Variants in CHD4 observed in about 807,000 individuals in gnomAD.
CHD4 encodes the protein ATP-dependent chromatin remodeler CHD4.
A neutral mutation model predicts 235.5 loss-of-function variants in CHD4; 35 were observed. That is an observed-to-expected ratio of 0.15 (90% CI 0.11 to 0.20). The LOEUF (loss-of-function observed/expected upper bound fraction) is 0.20, where lower values mean the gene tolerates loss of function less well. Ranked by LOEUF, CHD4 falls within the 10% of genes least tolerant of loss-of-function variation. The pLI, the probability that CHD4 is intolerant of heterozygous loss-of-function variation, is 1.00. For missense variants in CHD4, 1,329 were observed against 2,432.3 expected (o/e 0.55, Z 9.54); for synonymous variants, 900 against 850.2 (o/e 1.06, Z -1.02).
chr12:6,593,067 C>A lies in CHD4; in HGVS notation c.2652+24G>T. On this transcript the variant is annotated intron_variant, in intron 17 of 39. Coordinates refer to ENST00000544040, the MANE Select transcript of CHD4 (RefSeq NM_001273.5). This position sits in a 1 kb window ranked among gnomAD's most constrained non-coding sequence, Gnocchi z 4.9. ...TAGAAAAAACCCAAAGTGGGGGCTC[C>A]AACATCCCTCCCTCAGCCCTCACCT... The A allele has an allele frequency of 6.2e-7, 1 of 1,611,596 alleles. No homozygotes were observed. Among genetic ancestry groups the A allele is most frequent in the Non-Finnish European group, 8.5e-7 (1 of 1,179,028 alleles).
chr12:6,600,380 G>A lies in CHD4; in HGVS notation c.1079C>T (p.Thr360Ile). 4 of 1,613,980 alleles carry A rather than the reference G, an allele frequency of 2.5e-6. No homozygotes were observed. Among genetic ancestry groups the A allele is most frequent in the Non-Finnish European group, 3.4e-6 (4 of 1,180,000 alleles). Residue 360 changes from threonine (T) to isoleucine (I), a missense_variant, in exon 9 of 40, where the codon ACT becomes ATT. Physicochemically the swap from Thr to Ile is moderately conservative, Grantham distance 89. This residue lies in a region of CHD4 where 160 missense variants were observed against 196.6 expected (regional missense o/e 0.81). Transcript: ENST00000544040. ...GTCTGTCTCATAACCATCCACAGCA[G>A]TCACCTCCTCCTCGCCTGGGCAAGG... ...KKKKKGEEEV[T>I]AVDGYETDHQ...
In CHD4 at chr12:6,593,193, T is replaced by C. The variant is rs1176165328; in HGVS notation, c.2550A>G (p.Thr850=). 6.2e-7 allele frequency: 1 copy of C among 1,614,182 alleles called. No individual in the cohort carries two copies. The change falls in exon 17 of 40, where the codon ACA becomes ACG. Residue 850 remains threonine (T), a synonymous_variant. Coordinates refer to ENST00000544040, the MANE Select transcript of CHD4 (RefSeq NM_001273.5). The surrounding 1 kb of genome is among the most constrained non-coding windows in gnomAD (Gnocchi z 4.9). ...EASVKFHVLL[T]SYELITIDMA... is the part of the protein sequence containing the mutation. ...TGTCAATGGTGATCAATTCATAGGA[T>C]GTCAGCAGCACATGGAATTTCACAG... is the stretch of plus-strand genomic sequence containing the variant.
At chr12:6,599,658 C>T in intron 10 of CHD4, 115 bp downstream of exon 10, 1 of 1,322,932 alleles carries the variant, frequency 7.6e-7, no homozygotes, top group Middle Eastern at 1.9e-4. Flanking sequence ...AGGAGAATAC[C>T]TTTCTCAGGG....
intron 38 of CHD4, chr12:6,571,376 T>C (rs1335028690): frequency 4.1e-6 from 1 of 245,254 alleles, no homozygotes; most frequent in Non-Finnish European, 7.9e-6. Flanking sequence ...ACCCTCCGCC[T>C]CCTCATAACC....
chr12:6,606,356 GC>G lies in CHD4; in HGVS notation c.17del (p.Gly6AlafsTer19). Reference sequence around the variant, plus strand: ...TGCCCGCCGAGCAGGGGGACGGGGAGCCCAGGCCCGACGCCATCCCCTTCCG... The same window carrying G: ...TGCCCGCCGAGCAGGGGGACGGGGAGCCAGGCCCGACGCCATCCCCTTCCG... MASGL[G>X]SPSPCSAGSE... is the part of the protein sequence containing the mutation. On this transcript the variant is annotated frameshift_variant, in exon 2 of 40. Coordinates refer to ENST00000544040, the MANE Select transcript of CHD4 (RefSeq NM_001273.5). LOFTEE classifies it high-confidence loss of function. The G allele has an allele frequency of 6.4e-7, 1 of 1,570,188 alleles. No homozygotes were observed. The highest frequency in any genetic ancestry group is 8.6e-7 in the Non-Finnish European group (1 of 1,161,666).
chr12:6,591,204 C>T, intron 22 of CHD4: 2 of 261,116 alleles, frequency 7.7e-6, no homozygotes, highest in Non-Finnish European at 1.5e-5. Flanking sequence ...GCTATTTGAG[C>T]TTGAACAAGT....
At chr12:6,602,564 C>A in intron 2 of CHD4, 67 bp from the exon 3 acceptor site, 1 of 1,581,718 alleles carries the variant, frequency 6.3e-7, no homozygotes, top group Non-Finnish European at 8.6e-7. Context: ...GGCCCTAATC[C>A]AGAGGCTTTA....
chr12:6,582,819 A>G, intron 28 of CHD4, 29 bp downstream of exon 28: 1 of 1,613,412 alleles, frequency 6.2e-7, no homozygotes, highest in Admixed American at 1.7e-5. Context: ...TCTGACACTC[A>G]CCCCTCCTTA....
At position 6,581,038 on chromosome 12, in the gene CHD4, C is replaced by A. The variant is rs769651089; in HGVS notation, c.4909+6G>T. 1 of 1,613,162 alleles carries A rather than the reference C, an allele frequency of 6.2e-7. No individual in the cohort carries two copies. Among genetic ancestry groups the A allele is most frequent in the Non-Finnish European group, 8.5e-7 (1 of 1,179,806 alleles). On this transcript the variant is annotated splice_donor_region_variant and intron_variant, in intron 33 of 39. Transcript: ENST00000544040. ...AAACAAACAAAAAAAATGTGGATAC[C>A]TTTACCTTTGGGCTCTGTCTCCATA... is the stretch of plus-strand genomic sequence containing the variant.
chr12:6,600,184 G>A (rs1281381168), intron 9 of CHD4, 33 bp downstream of exon 9: 2 of 1,609,670 alleles, frequency 1.2e-6, no homozygotes, highest in Admixed American at 1.7e-5. Context: ...TCTTCTCATG[G>A]GTTCCAAGGG....
At chr12:6,592,879 A>G in intron 17 of CHD4, 62 bp from the exon 18 acceptor site, 4 of 1,572,112 alleles carry the variant, frequency 2.5e-6, no homozygotes, top group South Asian at 1.1e-5. Flanking sequence ...AAATCTCTAC[A>G]AAATTTCAAG....
chr12:6,588,242 T>C (rs1948333788), intron 23 of CHD4, 56 bp downstream of exon 23: 3 of 1,592,928 alleles, frequency 1.9e-6, no homozygotes, highest in African/African-American at 1.3e-5. Flanking sequence ...TAGAGGCCAC[T>C]ATGCCTTTCT....
intron 22 of CHD4, chr12:6,590,242 TCA>T (rs965470961): frequency 1.3e-5 from 2 of 152,070 alleles, no homozygotes; most frequent in African/African-American, 4.8e-5. Context: ...TAAAGAAATG[TCA>T]CAGATAGCAG....
chr12:6,606,301 T>C lies in CHD4; in HGVS notation c.73A>G (p.Asn25Asp). The change falls in exon 2 of 40, where the codon AAC (asparagine) becomes GAC (aspartate). Residue 25 changes from asparagine (N) to aspartate (D), a missense_variant. Asn to Asp is a conservative substitution (Grantham distance 23, BLOSUM62 1). Transcript: ENST00000544040. Reference sequence around the variant, plus strand: ...GGGTGGGGTGGGGGCAGGCTGTTGTTCAAAAGTGCATCCATATCCTCCTCC... The same window carrying C: ...GGGTGGGGTGGGGGCAGGCTGTTGTCCAAAAGTGCATCCATATCCTCCTCC... ...SEEEDMDALL[N>D]NSLPPPHPEN... The C allele has an allele frequency of 6.3e-7, 1 of 1,586,514 alleles. No homozygotes were observed.
rs1045215256 is a variant in CHD4, at chr12:6,570,855, G to A, written c.5721+14C>T. ...CTGCAGGAAGAGGTGGTGTCAAGAA[G>A]AAAATGGTCCTACCTGCTGTGGGGT... On this transcript the variant is annotated intron_variant, in intron 39 of 39. Transcript: ENST00000544040. The A allele has an allele frequency of 6.2e-7, 1 of 1,613,996 alleles. No homozygotes were observed. Among genetic ancestry groups the A allele is most frequent in the East Asian group, 2.2e-5 (1 of 44,880 alleles).
In CHD4 at chr12:6,601,332, A is replaced by G. The variant is rs1565618419; in HGVS notation, c.756T>C (p.Pro252=). ...TATEVAPPPP[P]VEVPIRKAKT... ...TGGCCTTGCGGATAGGCACCTCCAC[A>G]GGGGGAGGTGGTGGTGCAACCTCAG... The change falls in exon 6 of 40, where the codon CCT becomes CCC. Residue 252 remains proline (P), a synonymous_variant. Transcript: ENST00000544040. 3 of 1,613,886 alleles carry G rather than the reference A, an allele frequency of 1.9e-6. No individual in the cohort carries two copies. The highest frequency in any genetic ancestry group is 1.7e-5 in the Admixed American group (1 of 60,002).
At chr12:6,581,604 G>C (rs1356601294) in intron 31 of CHD4, 45 bp downstream of exon 31, 1 of 1,613,518 alleles carries the variant, frequency 6.2e-7, no homozygotes, top group East Asian at 2.2e-5. Context: ...AAATAGGCCA[G>C]GACAAAAAGA....
chr12:6,606,175 A>C (rs914895025), intron 2 of CHD4, 99 bp downstream of exon 2: 9 of 796,672 alleles, frequency 1.1e-5, no homozygotes, highest in Non-Finnish European at 1.8e-5. Context: ...GGCTCTGCAC[A>C]GAGACAGCGG....
chr12:6,587,169 G>C (rs955075828), intron 25 of CHD4: 25 of 562,764 alleles, frequency 4.4e-5, no homozygotes, highest in Admixed American at 1.0e-4. Context: ...ACTGTTGTGA[G>C]CATGATATTT....
Sources: gnomAD v4.1 joint callset for allele counts on GRCh38, gnomAD v4.1.1 for gene constraint, gnomAD v4.1.1 regional missense constraint, Gnocchi (gnomAD v3.1) non-coding constraint, MANE v1.5 for transcripts, NCBI Gene and HGNC (gene_info 2026-07-23, HGNC 2026-07-21) for gene names.